The following VIPR2 variants were observed in gnomAD, a reference collection of about 807,000 sequenced individuals.
VIPR2 encodes vasoactive intestinal polypeptide receptor 2.
Under a neutral mutation model 58.0 loss-of-function variants are expected in VIPR2, and 48 were observed. The ratio of observed to expected loss-of-function variants is 0.83; its 90% CI spans 0.66 to 1.05. The LOEUF is 1.05. Ranked by LOEUF, VIPR2 falls within the 50% of genes least tolerant of loss-of-function variation. The probability of loss-of-function intolerance (pLI) is 0.00; values close to 1 mark genes in which losing one functional copy is unlikely to be tolerated. For missense variants in VIPR2, 534 were observed against 558.0 expected, an observed-to-expected ratio of 0.96 and a Z score of 0.43; for synonymous variants, 243 against 235.2, an observed-to-expected ratio of 1.03 and a Z score of -0.30.
intron 4 of VIPR2, among the ~76,000 whole-genome samples, chr7:159,060,251 A>C (rs1585385577): frequency 7.3e-6 from 1 of 137,822 alleles, no homozygotes; most frequent in African/African-American, 2.8e-5. Context: ...ACCCCCACTC[A>C]CCTCGCCTAA....
At chr7:159,086,567 C>T (rs74552932) in intron 4 of VIPR2, among the ~76,000 whole-genome samples, 8 of 152,222 alleles carry the variant, frequency 5.3e-5, no homozygotes, top group Non-Finnish European at 1.2e-4. Context: ...AGGTGAGAGA[C>T]AAGCTCTCAA....
rs1366240313 is a variant in VIPR2 at position 159,093,532 on chromosome 7, C to T, written c.357+10225G>A. Among the ~76,000 whole-genome samples, 2 of 152,182 alleles carry T rather than the reference C, an allele frequency of 1.3e-5. No homozygotes were observed. The highest frequency in any genetic ancestry group is 2.9e-5 in the Non-Finnish European group (2 of 68,024). On this transcript the variant is annotated intron_variant, in intron 4 of 12. Transcript: ENST00000262178. This position sits in a 1 kb window ranked among gnomAD's most constrained non-coding sequence, Gnocchi z 6.7. ...GTCTTATTTCTCACAAAAATAACCA[C>T]TTCCCTGGGCTGAAAACTCCCCTGG...
At chr7:159,103,430 T>C (rs1190417906) in intron 4 of VIPR2, among the ~76,000 whole-genome samples, 2 of 152,158 alleles carry the variant, frequency 1.3e-5, no homozygotes, top group Non-Finnish European at 2.9e-5. Flanking sequence ...AGAAAGGGCA[T>C]GCTCTCCAGG....
rs561706446 is a variant in VIPR2 at position 159,036,334 on chromosome 7, G to A, written c.749-322C>T. 2.7e-4 allele frequency among the ~76,000 whole-genome samples: 41 copies of A among 152,174 alleles called. 1 individual carries two copies. The South Asian group carries it at 6.9e-3, about 25-fold the overall frequency. On this transcript the variant is annotated intron_variant, in intron 7 of 12. Coordinates refer to ENST00000262178, the MANE Select transcript of VIPR2 (RefSeq NM_003382.5). ...TTTTGCGACCACCCACGGAGCTATC[G>A]GCTACGTTTGCCTCATCCTGTCCAT...
rs763744469 is a variant in VIPR2 at position 159,031,516 on chromosome 7, G to A, written c.1143+312C>T. 67 of 985,150 alleles carry A rather than the reference G, an allele frequency of 6.8e-5. No individual in the cohort carries two copies. Among genetic ancestry groups the A allele is most frequent in the Non-Finnish European group, 7.8e-5 (65 of 829,910 alleles). The allele number at this position is 985,150 out of a possible 1,614,324, so 61.0% of individuals were successfully genotyped here. ...CACAAGCTATGGTCAGGAGCGAGACGCCGACCATGGGGAAAAACAGATTCT... is the reference window on the plus strand; with the variant it reads ...CACAAGCTATGGTCAGGAGCGAGACACCGACCATGGGGAAAAACAGATTCT... On this transcript the variant is annotated intron_variant, in intron 12 of 12. Transcript: ENST00000262178. This position sits in a 1 kb window ranked among gnomAD's most constrained non-coding sequence, Gnocchi z 4.0.
intron 5 of VIPR2, among the ~76,000 whole-genome samples, chr7:159,050,482 T>C (rs1854930512): frequency 6.6e-6 from 1 of 151,662 alleles, no homozygotes; most frequent in African/African-American, 2.4e-5. Context: ...TTTTATTAGA[T>C]AATAAAATTA....
chr7:159,086,155 C>T (rs565014404), intron 4 of VIPR2, among the ~76,000 whole-genome samples: 2 of 152,334 alleles, frequency 1.3e-5, no homozygotes, highest in African/African-American at 4.8e-5. Flanking sequence ...CACCATAAAA[C>T]TGCTCTAAAA....
intron 6 of VIPR2, 144 bp from the exon 7 acceptor site, chr7:159,037,046 AAC>A (rs1479066911): frequency 9.6e-7 from 1 of 1,037,866 alleles, no homozygotes; most frequent in African/African-American, 1.6e-5. Flanking sequence ...GAAAGTGATT[AAC>A]ACAGAGGCCA....
intron 2 of VIPR2, among the ~76,000 whole-genome samples, chr7:159,116,420 T>A (rs1396769359): frequency 6.6e-6 from 1 of 152,230 alleles, no homozygotes; most frequent in Admixed American, 6.5e-5. Flanking sequence ...GCATGGTCAG[T>A]GCATTTGGGA....
At chr7:159,120,996 C>T (rs1050573193) in intron 2 of VIPR2, among the ~76,000 whole-genome samples, 1 of 152,232 alleles carries the variant, frequency 6.6e-6, no homozygotes, top group Non-Finnish European at 1.5e-5. Flanking sequence ...AGCACCCTTG[C>T]CTGCTTTTTA....
In VIPR2 at chr7:159,030,430, A is replaced by G; in HGVS notation, c.*186T>C. ...TATCTAAATGCTGGAGTTTAAATCG[A>G]GTCAATGACAACACGACTCCAATTC... On this transcript the variant is annotated 3_prime_UTR_variant, in exon 13 of 13. Transcript: ENST00000262178. 2 of 581,470 alleles carry G rather than the reference A, an allele frequency of 3.4e-6. No individual in the cohort carries two copies. Among genetic ancestry groups the G allele is most frequent in the Admixed American group, 3.9e-5 (1 of 25,948 alleles). 36.0% of individuals were successfully genotyped at this position (581,470 alleles called of 1,614,324 possible).
intron 6 of VIPR2, among the ~76,000 whole-genome samples, chr7:159,042,189 G>A (rs544917176): frequency 6.6e-6 from 1 of 152,266 alleles, no homozygotes; most frequent in Admixed American, 6.5e-5. Flanking sequence ...GCCAGCAGAG[G>A]GACCTATCTG....
At chr7:159,118,070 C>T (rs528047140) in intron 2 of VIPR2, among the ~76,000 whole-genome samples, 1 of 152,184 alleles carries the variant, frequency 6.6e-6, no homozygotes, top group East Asian at 1.9e-4. Context: ...TCAGAGAGGC[C>T]GGGGGCGTCC....
intron 4 of VIPR2, among the ~76,000 whole-genome samples, chr7:159,063,331 G>A (rs947049495): frequency 7.6e-4 from 115 of 152,254 alleles, no homozygotes; most frequent in African/African-American, 2.6e-3. Flanking sequence ...ACTGCCAGCA[G>A]GCCGGCACTG....
In VIPR2 at chr7:159,097,132, C is replaced by T; in HGVS notation, c.357+6625G>A. ...TGGCGGGATGATCAGATGGTGCCTC[C>T]CACAAAGGCATCTGCAGTGCCAGCT... On this transcript the variant is annotated intron_variant, in intron 4 of 12. Coordinates refer to ENST00000262178, the MANE Select transcript of VIPR2 (RefSeq NM_003382.5). This position sits in a 1 kb window ranked among gnomAD's most constrained non-coding sequence, Gnocchi z 5.3. 1 of 1,473,826 alleles carries T rather than the reference C, an allele frequency of 6.8e-7. No homozygotes were observed. The highest frequency in any genetic ancestry group is 9.1e-7 in the Non-Finnish European group (1 of 1,104,738). 91.3% of individuals were successfully genotyped at this position (1,473,826 alleles called of 1,614,324 possible). A position where few individuals can be genotyped will look rare whatever the true frequency, so the allele number is the denominator to read the frequency against.
chr7:159,075,070 G>A (rs763893290), intron 4 of VIPR2, among the ~76,000 whole-genome samples: 30 of 152,316 alleles, frequency 2.0e-4, no homozygotes, highest in African/African-American at 6.3e-4. Context: ...GAAACCTCTT[G>A]TTCTGTTAGC....
In VIPR2 at chr7:159,073,146, C is replaced by A. The variant is rs1212689049; in HGVS notation, c.358-14568G>T. ...AAAGCACAACATCTTATTTTTAAAG[C>A]TAGCATAAGTCTGATGTCAAAAGCA... On this transcript the variant is annotated intron_variant, in intron 4 of 12. Transcript: ENST00000262178. 2.6e-5 allele frequency among the ~76,000 whole-genome samples: 4 copies of A among 152,240 alleles called. No homozygotes were observed. The East Asian group carries it at 7.7e-4, about 29-fold the overall frequency.
At chr7:159,130,991 C>T (rs964789899) in intron 2 of VIPR2, among the ~76,000 whole-genome samples, 3 of 152,134 alleles carry the variant, frequency 2.0e-5, no homozygotes, top group African/African-American at 7.2e-5. Flanking sequence ...CATCCAAGGC[C>T]CAGCATGGCA....
chr7:159,069,363 A>G (rs1301304949), intron 4 of VIPR2, among the ~76,000 whole-genome samples: 1 of 151,770 alleles, frequency 6.6e-6, no homozygotes, highest in African/African-American at 2.4e-5. Context: ...CTGGGTATGC[A>G]CTCCTGGGAA....
Sources: allele counts gnomAD v4.1 joint callset (sites outside exome capture counted in the v4.1 genomes callset), GRCh38; gene constraint gnomAD v4.1.1; non-coding constraint Gnocchi (gnomAD v3.1); transcripts MANE v1.5; gene names NCBI Gene and HGNC (gene_info 2026-07-23, HGNC 2026-07-21).